The following NUP188 variants were observed in gnomAD, a reference collection of about 807,000 sequenced individuals.
NUP188 encodes the protein nucleoporin 188.
In NUP188, 97 loss-of-function variants were observed where a neutral mutation model predicts 223.0. That is an observed-to-expected ratio of 0.43 (90% CI 0.37 to 0.51). The LOEUF (loss-of-function observed/expected upper bound fraction) is 0.51. Among genes scored for constraint, NUP188 ranks in the 20% least tolerant of loss-of-function variants. The pLI is 0.00. For synonymous variants in NUP188, 869 were observed against 828.0 expected (o/e 1.05, Z -0.85); for missense variants, 1,947 against 2,175.6 (o/e 0.89, Z 2.09).
intron 30 of NUP188, among the ~76,000 whole-genome samples, chr9:128,996,164 T>C (rs75125721): frequency 2.0e-5 from 3 of 151,236 alleles, no homozygotes; most frequent in Admixed American, 6.6e-5. Flanking sequence ...TTTTTTTTTT[T>C]CTTGAGACGG....
At chr9:128,997,932 G>T (rs1007464837) in intron 30 of NUP188, among the ~76,000 whole-genome samples, 1 of 150,754 alleles carries the variant, frequency 6.6e-6, no homozygotes, top group East Asian at 2.0e-4. Flanking sequence ...TGTTGGCCAG[G>T]ATGGTCTTGA....
chr9:129,001,446 G>T, intron 34 of NUP188, 83 bp from the exon 35 acceptor site: 2 of 1,368,430 alleles, frequency 1.5e-6, no homozygotes, highest in East Asian at 4.6e-5. Flanking sequence ...GCAGGTCTTG[G>T]GCAACCAGGC....
In NUP188 at chr9:129,001,509, T is replaced by A. The variant is rs1180346008; in HGVS notation, c.3844-20T>A. Reference sequence around the variant, plus strand: ...CTCCTCTTCTTCTTCCCCCTTTTACTCATCTTTGCCTCTGGGCAGGTGTGT... The same window carrying A: ...CTCCTCTTCTTCTTCCCCCTTTTACACATCTTTGCCTCTGGGCAGGTGTGT... On this transcript the variant is annotated intron_variant, in intron 34 of 43. Transcript: ENST00000372577. The A allele has an allele frequency of 6.2e-7, 1 of 1,606,386 alleles. No homozygotes were observed. The highest frequency in any genetic ancestry group is 1.7e-5 in the Admixed American group (1 of 59,906).
chr9:128,968,786 G>A, intron 9 of NUP188, 69 bp downstream of exon 9: 4 of 1,202,350 alleles, frequency 3.3e-6, no homozygotes, highest in Non-Finnish European at 4.9e-6. Flanking sequence ...TGGTATGTAA[G>A]CAGGTAGGGG....
At chr9:128,971,056 G>C in intron 11 of NUP188, 98 bp downstream of exon 11, 2 of 912,834 alleles carry the variant, frequency 2.2e-6, no homozygotes, top group East Asian at 4.8e-5. Flanking sequence ...ATGGGATCAT[G>C]TTGTAACTAA....
At chr9:128,975,619 A>C (rs1842165673) in intron 12 of NUP188, among the ~76,000 whole-genome samples, 1 of 151,102 alleles carries the variant, frequency 6.6e-6, no homozygotes. Flanking sequence ...TCCTGGGTTC[A>C]AGCAATTCTC....
rs1014983088 is a variant in NUP188, at chr9:128,983,352, C to T, written c.1856C>T (p.Thr619Ile). The change falls in exon 18 of 44, where the codon ACT becomes ATT. Residue 619 changes from threonine (T) to isoleucine (I), a missense_variant. This residue lies in a region of NUP188 where 817 missense variants were observed against 865.8 expected (regional missense o/e 0.94). Coordinates refer to ENST00000372577, the MANE Select transcript of NUP188 (RefSeq NM_015354.3). The part of the protein sequence containing the change: ...DVIASCVNCL[T>I]VLAARNPAKV... ...ATTGCTTCTTGTGTCAACTGCTTAA[C>T]TGTTTTGGCTGCCCGCAATCCAGCA... is the stretch of plus-strand genomic sequence containing the variant. 1.9e-6 allele frequency: 3 copies of T among 1,614,106 alleles called. No individual in the cohort carries two copies. Among genetic ancestry groups the T allele is most frequent in the South Asian group, 2.2e-5 (2 of 91,088 alleles).
intron 25 of NUP188, among the ~76,000 whole-genome samples, chr9:128,990,983 A>C (rs1436635025): frequency 6.6e-6 from 1 of 152,172 alleles, no homozygotes; most frequent in Non-Finnish European, 1.5e-5. Context: ...ACGCCACTGC[A>C]CTCCAGCCTG....
chr9:128,974,054 G>A (rs1842138153), intron 12 of NUP188, among the ~76,000 whole-genome samples: 1 of 152,098 alleles, frequency 6.6e-6, no homozygotes, highest in Non-Finnish European at 1.5e-5. Context: ...GGGATTAGAG[G>A]TGCCTGCCAC....
intron 22 of NUP188, 150 bp from the exon 23 acceptor site, chr9:128,987,439 G>A: frequency 1.6e-6 from 1 of 619,256 alleles, no homozygotes; most frequent in Non-Finnish European, 2.7e-6. Context: ...TCTGTTTCAG[G>A]AAAGTGATCA....
intron 35 of NUP188, 24 bp from the exon 36 acceptor site, chr9:129,001,860 T>C: frequency 3.7e-6 from 6 of 1,611,054 alleles, no homozygotes; most frequent in Non-Finnish European, 5.1e-6. Context: ...CTCCATCTCA[T>C]TTCCTGTCTT....
rs1564563846 is a variant in NUP188 at position 128,993,688 on chromosome 9, G to A, written c.3011G>A (p.Arg1004Gln). 3.7e-6 allele frequency: 6 copies of A among 1,614,016 alleles called. No individual in the cohort carries two copies. Among genetic ancestry groups the A allele is most frequent in the Non-Finnish European group, 4.2e-6 (5 of 1,179,984 alleles). ...AGGGACAGTGCCATGCTGGTCCTCC[G>A]AACCAAGTAAGTCTGCCTCTGGGAG... is the stretch of plus-strand genomic sequence containing the variant. ...DRRDSAMLVLRTKPKFWENLT... is the reference protein window; with the variant it reads ...DRRDSAMLVLQTKPKFWENLT... The change falls in exon 27 of 44, where the codon CGA (arginine) becomes CAA (glutamine). Residue 1004 changes from arginine (R) to glutamine (Q), a missense_variant. This residue lies in a region of NUP188 where 905 missense variants were observed against 990.6 expected (regional missense o/e 0.91). Coordinates refer to ENST00000372577, the MANE Select transcript of NUP188 (RefSeq NM_015354.3).
chr9:128,986,356 A>C (rs569133813), intron 20 of NUP188, among the ~76,000 whole-genome samples: 1 of 152,124 alleles, frequency 6.6e-6, no homozygotes, highest in East Asian at 1.9e-4. Flanking sequence ...ATTCTCTTTC[A>C]TCACTTTTTC....
intron 11 of NUP188, among the ~76,000 whole-genome samples, chr9:128,971,785 C>CT (rs1371994616): frequency 4.7e-5 from 7 of 148,736 alleles, no homozygotes; most frequent in Non-Finnish European, 8.9e-5. Flanking sequence ...TTTCCTTTTT[C>CT]TTTTTTTTGA....
At chr9:128,992,020 C>T (rs897099482) in intron 25 of NUP188, among the ~76,000 whole-genome samples, 5 of 150,000 alleles carry the variant, frequency 3.3e-5, no homozygotes, top group African/African-American at 1.2e-4. Context: ...CATTCTCCTG[C>T]CTTAGCCTCC....
intron 34 of NUP188, 150 bp from the exon 35 acceptor site, chr9:129,001,379 T>G (rs1588293491): frequency 7.6e-6 from 5 of 661,058 alleles, no homozygotes; most frequent in Non-Finnish European, 8.1e-6. Flanking sequence ...AGGGGCAGGG[T>G]GGGAGAGAGT....
chr9:128,996,753 G>GA, intron 30 of NUP188, among the ~76,000 whole-genome samples: 1 of 152,022 alleles, frequency 6.6e-6, no homozygotes, highest in East Asian at 1.9e-4. Context: ...TTGTAGCTCT[G>GA]AAAATCCCAC....
At chr9:128,988,386 G>A (rs956355979) in intron 24 of NUP188, among the ~76,000 whole-genome samples, 200 bp downstream of exon 24, 6 of 152,156 alleles carry the variant, frequency 3.9e-5, no homozygotes, top group Non-Finnish European at 8.8e-5. Context: ...GCCTCCTATT[G>A]ATGATAGAAT....
At position 128,956,361 on chromosome 9, in the gene NUP188, C is replaced by G. The variant is rs778537195; in HGVS notation, c.173C>G (p.Ala58Gly). The change falls in exon 4 of 44, where the codon GCT becomes GGT. Residue 58 changes from alanine (A) to glycine (G), a missense_variant. By Grantham distance (60) the Ala-to-Gly change is moderately conservative. Around this residue, in one of 3 missense-constraint regions of NUP188, gnomAD observed 817 missense variants for 865.8 expected, o/e 0.94. Coordinates refer to ENST00000372577, the MANE Select transcript of NUP188 (RefSeq NM_015354.3). ...SYYKPPSPSS[A>G]EKVKANKDVA... Reference sequence around the variant, plus strand: ...TGTTCTTTTTGTAGTCCAAGTTCAGCTGAAAAAGTGAAAGCTAATAAAGAT... The same window carrying G: ...TGTTCTTTTTGTAGTCCAAGTTCAGGTGAAAAAGTGAAAGCTAATAAAGAT... 7.7e-6 allele frequency: 12 copies of G among 1,568,466 alleles called. No homozygotes were observed. The African/African-American group carries it at 1.2e-4, about 16-fold the overall frequency.
Sources: allele counts gnomAD v4.1 joint callset (sites outside exome capture counted in the v4.1 genomes callset), GRCh38; gene constraint gnomAD v4.1.1; regional missense constraint gnomAD v4.1.1; transcripts MANE v1.5; gene names NCBI Gene and HGNC (gene_info 2026-07-23, HGNC 2026-07-21).